Variants in TAFA2 observed in about 807,000 individuals in gnomAD.
TAFA2 encodes the protein chemokine-like protein TAFA-2.
A neutral mutation model predicts 18.8 loss-of-function variants in TAFA2; 7 were observed. The observed-to-expected ratio is 0.37, with a 90% confidence interval of 0.21 to 0.70. TAFA2 has a LOEUF of 0.70. TAFA2 is among the 30% of genes least tolerant of loss of function. The pLI, the probability that TAFA2 is intolerant of heterozygous loss-of-function variation, is 0.53. For synonymous variants in TAFA2, 60 were observed against 54.2 expected (o/e 1.11, Z -0.47); for missense variants, 122 against 158.1 (o/e 0.77, Z 1.23).
At chr12:62,153,492 A>G (rs2062344140) in intron 1 of TAFA2, among the ~76,000 whole-genome samples, 1 of 152,016 alleles carries the variant, frequency 6.6e-6, no homozygotes, top group Admixed American at 6.6e-5. Flanking sequence ...GCAAGACCCC[A>G]TCTCTACAAA....
chr12:61,745,239 C>T (rs1868646273), intron 4 of TAFA2, among the ~76,000 whole-genome samples: 1 of 152,088 alleles, frequency 6.6e-6, no homozygotes, highest in Non-Finnish European at 1.5e-5. Flanking sequence ...ACAGTTCTCT[C>T]CATCTCACAT....
At chr12:61,808,467 T>C (rs1014429588) in intron 2 of TAFA2, among the ~76,000 whole-genome samples, 1 of 151,506 alleles carries the variant, frequency 6.6e-6, no homozygotes, top group Admixed American at 6.6e-5. Context: ...GTGTATGTGG[T>C]ACATCCCCCA....
At chr12:62,040,078 G>C (rs1881717870) in intron 1 of TAFA2, among the ~76,000 whole-genome samples, 1 of 152,126 alleles carries the variant, frequency 6.6e-6, no homozygotes, top group African/African-American at 2.4e-5. Flanking sequence ...ATACCACTCT[G>C]AGACCTGCAT....
At chr12:61,751,700 T>A (rs1462808222) in intron 4 of TAFA2, among the ~76,000 whole-genome samples, 1 of 151,968 alleles carries the variant, frequency 6.6e-6, no homozygotes, top group African/African-American at 2.4e-5. Flanking sequence ...CTAAAACAAA[T>A]TATAGGATGT....
At chr12:61,835,071 A>C (rs1210640282) in intron 2 of TAFA2, among the ~76,000 whole-genome samples, 1 of 150,726 alleles carries the variant, frequency 6.6e-6, no homozygotes. Flanking sequence ...AATGCTAATC[A>C]ATTTCCACTC....
At chr12:61,775,273 C>T (rs931895129) in intron 2 of TAFA2, among the ~76,000 whole-genome samples, 2 of 151,778 alleles carry the variant, frequency 1.3e-5, no homozygotes, top group Admixed American at 6.6e-5. Context: ...TAAAGATACT[C>T]TAAACATATA....
At chr12:61,803,043 G>GA (rs572749994) in intron 2 of TAFA2, among the ~76,000 whole-genome samples, 31 of 151,962 alleles carry the variant, frequency 2.0e-4, no homozygotes, top group South Asian at 6.2e-4. Flanking sequence ...TAGACAATGG[G>GA]AAAAAACTGT....
intron 2 of TAFA2, among the ~76,000 whole-genome samples, chr12:61,790,382 G>T (rs1215122539): frequency 6.6e-6 from 1 of 151,786 alleles, no homozygotes; most frequent in African/African-American, 2.4e-5. Flanking sequence ...TGAGGCAACA[G>T]AAATCAATAA....
intron 2 of TAFA2, among the ~76,000 whole-genome samples, chr12:61,782,119 G>A (rs1870531285): frequency 3.3e-5 from 5 of 151,578 alleles, no homozygotes; most frequent in South Asian, 4.2e-4. Flanking sequence ...AAATATAAAC[G>A]AAATTCTAAT....
chr12:62,013,619 C>G (rs970254569), intron 1 of TAFA2, among the ~76,000 whole-genome samples: 22 of 152,170 alleles, frequency 1.4e-4, no homozygotes, highest in African/African-American at 5.3e-4. Context: ...TCTAATACCA[C>G]AGTGTGAGTA....
intron 1 of TAFA2, among the ~76,000 whole-genome samples, chr12:61,998,576 T>A (rs1880278265): frequency 6.6e-6 from 1 of 152,184 alleles, no homozygotes; most frequent in Admixed American, 6.5e-5. Flanking sequence ...CTATTATTTT[T>A]CCCATTTTAC....
intron 4 of TAFA2, among the ~76,000 whole-genome samples, chr12:61,738,326 CA>C (rs879581444): frequency 3.8e-3 from 562 of 147,844 alleles, no homozygotes; most frequent in African/African-American, 9.4e-3. Context: ...CACACACACA[CA>C]CAAACCTAGC....
intron 1 of TAFA2, among the ~76,000 whole-genome samples, chr12:61,904,263 G>A (rs996690463): frequency 7.9e-5 from 12 of 152,076 alleles, no homozygotes; most frequent in Non-Finnish European, 1.6e-4. Context: ...TCTCCAGTAT[G>A]GAATCTGGAC....
At chr12:61,969,261 T>C (rs1879165982) in intron 1 of TAFA2, among the ~76,000 whole-genome samples, 1 of 151,680 alleles carries the variant, frequency 6.6e-6, no homozygotes, top group East Asian at 1.9e-4. Flanking sequence ...AATTTTAAGG[T>C]TAAAAAACGA....
intron 1 of TAFA2, among the ~76,000 whole-genome samples, chr12:62,249,266 T>C (rs1466191143): frequency 9.8e-6 from 1 of 101,762 alleles, no homozygotes; most frequent in African/African-American, 4.4e-5. Context: ...CCCTCCTTTT[T>C]TTTCCTAAAA....
chr12:61,853,689 AGT>A (rs1194471039), intron 2 of TAFA2, among the ~76,000 whole-genome samples: 1 of 152,176 alleles, frequency 6.6e-6, no homozygotes, highest in Admixed American at 6.5e-5. Context: ...ATTCCACATC[AGT>A]GTGTGGCTGC....
At chr12:61,942,035 G>T (rs1878048255) in intron 1 of TAFA2, among the ~76,000 whole-genome samples, 1 of 151,554 alleles carries the variant, frequency 6.6e-6, no homozygotes, top group South Asian at 2.1e-4. Flanking sequence ...AGTAACCTCT[G>T]AAGACTTAAA....
At chr12:62,021,469 T>A in intron 1 of TAFA2, 2 of 408,650 alleles carry the variant, frequency 4.9e-6, no homozygotes, top group Non-Finnish European at 4.5e-6. Context: ...GTCCACTGCA[T>A]CATTCTTTTT....
chr12:62,245,417 T>C (rs978479898), intron 1 of TAFA2, among the ~76,000 whole-genome samples: 3 of 151,902 alleles, frequency 2.0e-5, no homozygotes, highest in African/African-American at 7.2e-5. Flanking sequence ...GTTTGCCAAG[T>C]ACTTTTACAT....
Sources: gnomAD v4.1 joint callset for allele counts (sites outside exome capture counted in the v4.1 genomes callset) on GRCh38, gnomAD v4.1.1 for gene constraint, MANE v1.5 for transcripts, NCBI Gene and HGNC (gene_info 2026-07-23, HGNC 2026-07-21) for gene names.